The following MED25 variants were observed in gnomAD, a reference collection of about 807,000 sequenced individuals.
The protein encoded by MED25 is mediator of RNA polymerase II transcription subunit 25.
MED25 carries 62 observed loss-of-function variants against 89.4 expected under a neutral mutation model. The observed-to-expected ratio is 0.69, with a 90% CI of 0.57 to 0.86. MED25 has a LOEUF of 0.86. Ranked by LOEUF, MED25 falls within the 40% of genes least tolerant of loss-of-function variation. MED25 has a pLI of 0.00. For synonymous variants in MED25, 449 were observed against 427.9 expected (o/e 1.05, Z -0.61); for missense variants, 905 against 1,005.2 (o/e 0.90, Z 1.35).
At chr19:49,820,534 G>A (rs1299679636) in intron 3 of MED25, among the ~76,000 whole-genome samples, 2 of 152,226 alleles carry the variant, frequency 1.3e-5, no homozygotes, top group Non-Finnish European at 2.9e-5. Context: ...GAAGTCATGA[G>A]TTACAGAGAA....
intron 3 of MED25, among the ~76,000 whole-genome samples, chr19:49,825,665 C>G (rs544827576): frequency 6.6e-6 from 1 of 151,714 alleles, no homozygotes. Flanking sequence ...AACCCTGTCT[C>G]TACTAAAAAT....
downstream of MED25, among the ~76,000 whole-genome samples, chr19:49,837,985 C>T (rs867186343): frequency 2.0e-5 from 3 of 152,084 alleles, no homozygotes; most frequent in South Asian, 2.1e-4. Flanking sequence ...TCCTCAGAGA[C>T]GTCCCGAGGG....
chr19:49,838,898 T>G, downstream of MED25: 1 of 386,514 alleles, frequency 2.6e-6, no homozygotes, highest in South Asian at 2.0e-5. Context: ...GTGAGAAGAA[T>G]GACCTGGGCA....
chr19:49,829,089 AG>A lies in MED25; in HGVS notation c.525+1del. ...TTENLVQQIG[E>X]RGIHFSIVSP... ...GAGAATCTTGTGCAGCAGATTGGGG[AG>A]GTGAGGACTCCAGGGTCTGAGGGAC... On this transcript the variant is annotated frameshift_variant and splice_region_variant, in exon 5 of 18. Transcript: ENST00000312865. LOFTEE classifies it high-confidence loss of function. This position sits in a 1 kb window ranked among gnomAD's most constrained non-coding sequence, Gnocchi z 4.6. 1 of 1,613,118 alleles carries A rather than the reference AG, an allele frequency of 6.2e-7. No individual in the cohort carries two copies. The highest frequency in any genetic ancestry group is 1.1e-5 in the South Asian group (1 of 91,004).
chr19:49,823,210 T>G (rs1281174765), intron 3 of MED25, among the ~76,000 whole-genome samples: 2 of 152,154 alleles, frequency 1.3e-5, no homozygotes, highest in African/African-American at 4.8e-5. Flanking sequence ...TGCCTTGACC[T>G]CCCTAAGTGC....
In MED25 at chr19:49,819,310, C is replaced by T. The variant is rs773627830; in HGVS notation, c.305+14C>T. ...CGATGGCATTAAGTGAGCTTTCCCC[C>T]ACTTGGGGTGGGTTGCTGGTCCCTG... On this transcript the variant is annotated intron_variant, in intron 3 of 17. Coordinates refer to ENST00000312865, the MANE Select transcript of MED25 (RefSeq NM_030973.4). 2.9e-6 allele frequency: 4 copies of T among 1,397,472 alleles called. No homozygotes were observed. Among genetic ancestry groups the T allele is most frequent in the Admixed American group, 2.2e-5 (1 of 45,372 alleles). 86.6% of individuals were successfully genotyped at this position (1,397,472 alleles called of 1,614,324 possible).
Position 49,835,452 on chromosome 19 carries a change from C to T in MED25, c.1675-82C>T. Reference sequence around the variant, plus strand: ...AATGTCCCCATCTCCTTACTAGTTCCCCTCAGGGCACAGGCCCTCCCGCCT... The same window carrying T: ...AATGTCCCCATCTCCTTACTAGTTCTCCTCAGGGCACAGGCCCTCCCGCCT... On this transcript the variant is annotated intron_variant, in intron 14 of 17. Coordinates refer to ENST00000312865, the MANE Select transcript of MED25 (RefSeq NM_030973.4). The surrounding 1 kb of genome is among the most constrained non-coding windows in gnomAD (Gnocchi z 6.2). The T allele has an allele frequency of 1.5e-6, 2 of 1,351,222 alleles. No homozygotes were observed. The highest frequency in any genetic ancestry group is 2.8e-5 in the South Asian group (2 of 70,606). 83.7% of individuals were successfully genotyped at this position (1,351,222 alleles called of 1,614,324 possible). A position where few individuals can be genotyped will look rare whatever the true frequency, so the allele number is the denominator to read the frequency against.
chr19:49,835,307 A>C lies in MED25; in HGVS notation c.1674+130A>C, dbSNP rs549292170. The C allele has an allele frequency of 9.0e-7, 1 of 1,113,740 alleles. No homozygotes were observed. Among genetic ancestry groups the C allele is most frequent in the South Asian group, 1.3e-5 (1 of 78,808 alleles). The allele number at this position is 1,113,740 out of a possible 1,614,324, so 69.0% of individuals were successfully genotyped here. The stretch of plus-strand genomic sequence containing the variant: ...ATGTGGTGCCTCCAAGCTAAGTCCC[A>C]CTCAGATTTTCTTGCAGTCTCTCTC... On this transcript the variant is annotated intron_variant, in intron 14 of 17. Coordinates refer to ENST00000312865, the MANE Select transcript of MED25 (RefSeq NM_030973.4). This position sits in a 1 kb window ranked among gnomAD's most constrained non-coding sequence, Gnocchi z 6.2.
At chr19:49,837,708 TAGTA>T (rs2074109590), downstream of MED25, among the ~76,000 whole-genome samples, 1 of 151,922 alleles carries the variant, frequency 6.6e-6, no homozygotes. Flanking sequence ...AAGGAGCTGG[TAGTA>T]AGTGCAGGTG....
rs566277669 is a variant in MED25, at chr19:49,828,236, A to G, written c.306-213A>G. ...AGAGCGAGACTCCATCTCAAAAAAA[A>G]AAAAAAACACAGACAGCAAATGTCC... On this transcript the variant is annotated intron_variant, in intron 3 of 17. Coordinates refer to ENST00000312865, the MANE Select transcript of MED25 (RefSeq NM_030973.4). Among the ~76,000 whole-genome samples the G allele has an allele frequency of 5.3e-4, 81 of 151,514 alleles. 2 individuals are homozygous for G. In the East Asian group the frequency reaches 0.012, roughly 23 times the overall value.
At chr19:49,840,154 C>T (rs1031067663), downstream of MED25, 9 of 151,854 alleles carry the variant, frequency 5.9e-5, no homozygotes, top group African/African-American at 1.5e-4. Flanking sequence ...CCGTGCCACC[C>T]GAGGCCTGAC....
chr19:49,823,772 G>T (rs752599802), intron 3 of MED25, among the ~76,000 whole-genome samples: 1 of 152,130 alleles, frequency 6.6e-6, no homozygotes, highest in Non-Finnish European at 1.5e-5. Flanking sequence ...GGAATTCGTA[G>T]GTAACACAGA....
chr19:49,836,228 G>A lies in MED25; in HGVS notation c.1968G>A (p.Pro656=), dbSNP rs370950491. Residue 656 remains proline, a splice_region_variant and synonymous_variant, in exon 17 of 18, where the codon CCG becomes CCA. Coordinates refer to ENST00000312865, the MANE Select transcript of MED25 (RefSeq NM_030973.4). This position sits in a 1 kb window ranked among gnomAD's most constrained non-coding sequence, Gnocchi z 5.1. ...LRSLLLNPPP[P]QTGVPPPQAS... ...AGCCACTCTCTGTGTTCTCCCAGCCGCAGACTGGGGTGCCCCCACCCCAGG... is the reference window on the plus strand; with the variant it reads ...AGCCACTCTCTGTGTTCTCCCAGCCACAGACTGGGGTGCCCCCACCCCAGG... 1.3e-5 allele frequency: 21 copies of A among 1,611,844 alleles called. No homozygotes were observed. Among genetic ancestry groups the A allele is most frequent in the South Asian group, 9.9e-5 (9 of 91,018 alleles).
chr19:49,836,362 C>A lies in MED25; in HGVS notation c.2102C>A (p.Ala701Asp). The change falls in exon 17 of 18, where the codon GCC (alanine) becomes GAC (aspartate). Residue 701 changes from alanine (A) to aspartate (D), a missense_variant. Ala to Asp is a moderately radical substitution (Grantham distance 126). Around this residue, in one of 3 missense-constraint regions of MED25, gnomAD observed 271 missense variants for 258.1 expected, o/e 1.05. Coordinates refer to ENST00000312865, the MANE Select transcript of MED25 (RefSeq NM_030973.4). This position sits in a 1 kb window ranked among gnomAD's most constrained non-coding sequence, Gnocchi z 5.1. Reference protein sequence around the residue: ...LGPPLLHPPPAQSWPAQLPPR... With the variant: ...LGPPLLHPPPDQSWPAQLPPR... Reference sequence around the variant, plus strand: ...CCCCCACTCCTGCATCCACCACCTGCCCAGTCCTGGCCCGCACAACTTCCC... The same window carrying A: ...CCCCCACTCCTGCATCCACCACCTGACCAGTCCTGGCCCGCACAACTTCCC... The A allele has an allele frequency of 6.2e-7, 1 of 1,608,114 alleles. No homozygotes were observed. Among genetic ancestry groups the A allele is most frequent in the Non-Finnish European group, 8.5e-7 (1 of 1,177,682 alleles).
In MED25 at chr19:49,835,472, C is replaced by T; in HGVS notation, c.1675-62C>T. The T allele has an allele frequency of 6.8e-7, 1 of 1,464,064 alleles. No homozygotes were observed. The allele number at this position is 1,464,064 out of a possible 1,614,324, so 90.7% of individuals were successfully genotyped here. A position where few individuals can be genotyped will look rare whatever the true frequency, so the allele number is the denominator to read the frequency against. On this transcript the variant is annotated intron_variant, in intron 14 of 17. Coordinates refer to ENST00000312865, the MANE Select transcript of MED25 (RefSeq NM_030973.4). The surrounding 1 kb of genome is among the most constrained non-coding windows in gnomAD (Gnocchi z 6.2). ...AGTTCCCCTCAGGGCACAGGCCCTC[C>T]CGCCTCAGATTCAGGATGCCACCAC...
Position 49,831,205 on chromosome 19 carries a change from G to A in MED25, c.1102-128G>A. 2 of 1,068,256 alleles carry A rather than the reference G, an allele frequency of 1.9e-6. No individual in the cohort carries two copies. The highest frequency in any genetic ancestry group is 2.6e-5 in the East Asian group (1 of 38,590). The allele number at this position is 1,068,256 out of a possible 1,614,324, so 66.2% of individuals were successfully genotyped here. A position where few individuals can be genotyped will look rare whatever the true frequency, so the allele number is the denominator to read the frequency against. ...CATTTGGGGTCCTGCGGCTGGCCAA[G>A]TGCTGTTCTGGGGATGGAGGGGCAG... is the stretch of plus-strand genomic sequence containing the variant. On this transcript the variant is annotated intron_variant, in intron 9 of 17. Transcript: ENST00000312865. The surrounding 1 kb of genome is among the most constrained non-coding windows in gnomAD (Gnocchi z 5.0).
At position 49,831,561 on chromosome 19, in the gene MED25, G is replaced by T; in HGVS notation, c.1230+100G>T. ...CCAGATGCGTGGGGTCTGCAGTGCT[G>T]GGTTTGGAGGCATTCGTTGCGCTGG... On this transcript the variant is annotated intron_variant, in intron 10 of 17. Transcript: ENST00000312865. The surrounding 1 kb of genome is among the most constrained non-coding windows in gnomAD (Gnocchi z 5.0). 7.0e-7 allele frequency: 1 copy of T among 1,418,582 alleles called. No homozygotes were observed. Among genetic ancestry groups the T allele is most frequent in the Admixed American group, 2.3e-5 (1 of 43,470 alleles). 87.9% of individuals were successfully genotyped at this position (1,418,582 alleles called of 1,614,324 possible).
Position 49,836,891 on chromosome 19 carries a change from C to T in MED25, c.2191C>T (p.Pro731Ser), listed in dbSNP as rs1236215092. ...GGGTCCCCGGGGCCCGGTCCCCCAG[C>T]CGGGCCTGCAGCCCAGCGTCATGGA... The part of the protein sequence containing the change: ...SGGPRGPVPQ[P>S]GLQPSVMEDD... Residue 731 changes from proline (P) to serine (S), a missense_variant, in exon 18 of 18, where the codon CCG (proline) becomes TCG (serine). By Grantham distance (74) the Pro-to-Ser change is moderately conservative. This residue lies in a region of MED25 where 271 missense variants were observed against 258.1 expected (regional missense o/e 1.05). Transcript: ENST00000312865. The surrounding 1 kb of genome is among the most constrained non-coding windows in gnomAD (Gnocchi z 5.1). 5.6e-6 allele frequency: 9 copies of T among 1,612,776 alleles called. No homozygotes were observed. The highest frequency in any genetic ancestry group is 7.6e-6 in the Non-Finnish European group (9 of 1,179,776).
In MED25 at chr19:49,829,711, TGTG is replaced by T. The variant is rs563305750; in HGVS notation, c.526-72_526-70del. 702 of 1,467,130 alleles carry T rather than the reference TGTG, an allele frequency of 4.8e-4. 2 individuals are homozygous for T. The highest frequency in any genetic ancestry group is 4.5e-3 in the African/African-American group (321 of 71,528). 90.9% of individuals were successfully genotyped at this position (1,467,130 alleles called of 1,614,324 possible). A position where few individuals can be genotyped will look rare whatever the true frequency, so the allele number is the denominator to read the frequency against. The stretch of plus-strand genomic sequence containing the variant: ...TGGTGCCGTCCAGCCACACAGCAGT[TGTG>T]GTAGGTTGGGGGCCGGCCCCAACAC... On this transcript the variant is annotated intron_variant, in intron 5 of 17. Coordinates refer to ENST00000312865, the MANE Select transcript of MED25 (RefSeq NM_030973.4). This position sits in a 1 kb window ranked among gnomAD's most constrained non-coding sequence, Gnocchi z 4.6.
Sources: allele counts gnomAD v4.1 joint callset (sites outside exome capture counted in the v4.1 genomes callset), GRCh38; gene constraint gnomAD v4.1.1; regional missense constraint gnomAD v4.1.1; non-coding constraint Gnocchi (gnomAD v3.1); transcripts MANE v1.5; gene names NCBI Gene and HGNC (gene_info 2026-07-23, HGNC 2026-07-21).